Variants in AMZ1 observed in about 807,000 individuals in gnomAD.
AMZ1 encodes the protein archaelysin family metallopeptidase 1, also known as archaemetzincin-1.
AMZ1 carries 39 observed loss-of-function variants against 29.9 expected under a neutral mutation model. That is an observed-to-expected ratio of 1.30 (90% confidence interval 1.01 to 1.70). The LOEUF is 1.70. AMZ1 is among the 40% of genes most tolerant of loss of function. The pLI, the probability that AMZ1 is intolerant of heterozygous loss-of-function variation, is 0.00. For synonymous variants in AMZ1, 458 were observed against 304.0 expected, an observed-to-expected ratio of 1.51 and a Z score of -5.27; for missense variants, 1,041 against 680.6, an observed-to-expected ratio of 1.53 and a Z score of -5.89.
At chr7:2,719,844 G>A (rs968673193), downstream of AMZ1, among the ~76,000 whole-genome samples, 1 of 151,898 alleles carries the variant, frequency 6.6e-6, no homozygotes, top group Non-Finnish European at 1.5e-5. Flanking sequence ...CACCATGCCC[G>A]GCTAATTTTT....
At chr7:2,730,686 G>A (rs1385289929) in intron 4 of AMZ1, 1 of 154,068 alleles carries the variant, frequency 6.5e-6, no homozygotes, top group African/African-American at 2.4e-5. Flanking sequence ...GAGTTTAGCA[G>A]CATCGGCGTG....
chr7:2,685,026 C>T (rs555483914), upstream of AMZ1, among the ~76,000 whole-genome samples: 83 of 151,848 alleles, frequency 5.5e-4, 1 homozygote, highest in South Asian at 8.3e-3. Context: ...CCCGCCACCA[C>T]GCCCGGCTAA....
Position 2,709,133 on chromosome 7 carries a change from C to A in AMZ1, c.660C>A (p.Ser220Arg), listed in dbSNP as rs140523812. The change falls in exon 5 of 7, where the codon AGC (serine) becomes AGA (arginine). Residue 220 changes from serine (S) to arginine (R), a missense_variant. Coordinates refer to ENST00000683327, the MANE Select transcript of AMZ1 (RefSeq NM_001384743.1). ...FSGEFPKSGP[S>R]APDLALVEAA... is the part of the protein sequence containing the mutation. ...GGGAATTCCCGAAGTCGGGGCCCAGCGCCCCTGATCTGGCCCTGGTAGAGG... is the reference window on the plus strand; with the variant it reads ...GGGAATTCCCGAAGTCGGGGCCCAGAGCCCCTGATCTGGCCCTGGTAGAGG... The A allele has an allele frequency of 1.3e-5, 20 of 1,597,512 alleles. No homozygotes were observed. Among genetic ancestry groups the A allele is most frequent in the Non-Finnish European group, 1.6e-5 (19 of 1,172,414 alleles).
chr7:2,743,877 G>A lies in AMZ1; in HGVS notation n.551-20835G>A, dbSNP rs141438533. Among the ~76,000 whole-genome samples the A allele has an allele frequency of 5.2e-3, 795 of 152,010 alleles. 7 individuals carry two copies. Among genetic ancestry groups the A allele is most frequent in the African/African-American group, 0.018 (746 of 41,456 alleles). ...AAAACGGCACACCAGATTACATCCC[G>A]CACCTGGCTCGGAGGGTCCTACACC... On this transcript the variant is annotated intron_variant and non_coding_transcript_variant, in intron 4 of 4. Coordinates refer to the AMZ1 transcript ENST00000489665.
At chr7:2,720,676 T>C (rs1789380585), downstream of AMZ1, among the ~76,000 whole-genome samples, 1 of 151,886 alleles carries the variant, frequency 6.6e-6, no homozygotes. Context: ...GCTGGGATTA[T>C]AGGTGTGAGC....
At chr7:2,695,408 C>T (rs1472267716) in intron 1 of AMZ1, among the ~76,000 whole-genome samples, 2 of 152,114 alleles carry the variant, frequency 1.3e-5, no homozygotes. Flanking sequence ...GTGATGGGAA[C>T]CATGATGCTT....
intron 4 of AMZ1, among the ~76,000 whole-genome samples, chr7:2,727,379 C>T (rs897438014): frequency 1.3e-5 from 2 of 152,054 alleles, no homozygotes; most frequent in African/African-American, 4.8e-5. Flanking sequence ...TGCGCCCGGC[C>T]ATCTTCATTT....
In AMZ1 at chr7:2,712,359, G is replaced by A. The variant is rs1788837076; in HGVS notation, c.978G>A (p.Val326=). The change falls in exon 7 of 7, where the codon GTG becomes GTA. Residue 326 remains valine (V), a synonymous_variant. Transcript: ENST00000683327. ...QRLYTWTQAV[V]GTWPSQEAGE... is the part of the protein sequence containing the mutation. ...TCTACACCTGGACTCAGGCGGTGGTGGGGACGTGGCCCAGCCAGGAGGCGG... is the reference window on the plus strand; with the variant it reads ...TCTACACCTGGACTCAGGCGGTGGTAGGGACGTGGCCCAGCCAGGAGGCGG... 1 of 1,599,820 alleles carries A rather than the reference G, an allele frequency of 6.3e-7. No individual in the cohort carries two copies. Among genetic ancestry groups the A allele is most frequent in the African/African-American group, 1.3e-5 (1 of 74,886 alleles).
intron 4 of AMZ1, among the ~76,000 whole-genome samples, chr7:2,747,872 G>A (rs1346758764): frequency 6.6e-6 from 1 of 152,006 alleles, no homozygotes; most frequent in African/African-American, 2.4e-5. Context: ...ACCAATAACA[G>A]ACAAACAGCC....
upstream of AMZ1, chr7:2,762,663 G>A (rs2115401957): frequency 3.1e-6 from 5 of 1,599,526 alleles, no homozygotes; most frequent in East Asian, 2.3e-5. Flanking sequence ...ACGATGAGAG[G>A]ATAAATCATT....
chr7:2,692,524 A>C (rs1271466959), intron 1 of AMZ1, among the ~76,000 whole-genome samples: 3 of 152,176 alleles, frequency 2.0e-5, no homozygotes, highest in African/African-American at 7.2e-5. Context: ...CCTGGGTGAT[A>C]GAGTGAGGCT....
At chr7:2,688,411 A>AGGGCGCCCGGGCGGCGGCGGCTAC (rs1787179859) in intron 1 of AMZ1, 115 bp downstream of exon 1, 1 of 151,802 alleles carries the variant, frequency 6.6e-6, no homozygotes, top group Non-Finnish European at 1.5e-5. Context: ...CCAAGTCCCG[A>AGGGCGCCCGGGCGGCGGCGGCTAC]GGGCGCCCGG....
chr7:2,754,680 C>T (rs1216290464), intron 4 of AMZ1, among the ~76,000 whole-genome samples: 3 of 152,116 alleles, frequency 2.0e-5, no homozygotes, highest in African/African-American at 7.2e-5. Flanking sequence ...GCCCAGGAGA[C>T]TGAGGCTGCA....
At chr7:2,734,178 C>T (rs879632362) in intron 4 of AMZ1, among the ~76,000 whole-genome samples, 22 of 152,156 alleles carry the variant, frequency 1.4e-4, no homozygotes, top group African/African-American at 4.6e-4. Flanking sequence ...CCCAGGACCC[C>T]GTTTCAGGAA....
chr7:2,730,753 G>A, intron 4 of AMZ1: 1 of 167,158 alleles, frequency 6.0e-6, no homozygotes, highest in Non-Finnish European at 1.3e-5. Flanking sequence ...CTGTCTCAGG[G>A]AAGACTTGTG....
chr7:2,685,690 T>C (rs1348727464), upstream of AMZ1, among the ~76,000 whole-genome samples: 1 of 151,024 alleles, frequency 6.6e-6, no homozygotes, highest in Admixed American at 6.6e-5. Flanking sequence ...CCATCTCTAC[T>C]AAAAACACAA....
At chr7:2,693,666 C>T (rs545086495) in intron 1 of AMZ1, among the ~76,000 whole-genome samples, 7 of 152,338 alleles carry the variant, frequency 4.6e-5, no homozygotes, top group Admixed American at 2.0e-4. Flanking sequence ...CTCCATTCTC[C>T]AGCCTCAGCC....
intron 4 of AMZ1, among the ~76,000 whole-genome samples, chr7:2,742,108 G>A (rs548136323): frequency 7.2e-5 from 11 of 151,836 alleles, no homozygotes; most frequent in South Asian, 6.3e-4. Context: ...TGCAGCCTCC[G>A]CCTCCCAGGT....
chr7:2,739,384 C>T (rs1032837053), intron 4 of AMZ1, among the ~76,000 whole-genome samples: 2 of 152,340 alleles, frequency 1.3e-5, no homozygotes, highest in African/African-American at 4.8e-5. Context: ...ACACAGCATG[C>T]AGCCCTTTGT....
Sources: allele counts gnomAD v4.1 joint callset (sites outside exome capture counted in the v4.1 genomes callset), GRCh38; gene constraint gnomAD v4.1.1; transcripts MANE v1.5; gene names NCBI Gene and HGNC (gene_info 2026-07-23, HGNC 2026-07-21).